Variants in IQCM observed in about 807,000 individuals in gnomAD.
IQCM encodes the protein IQ motif containing M, also known as IQ domain-containing protein M.
A neutral mutation model predicts 57.6 loss-of-function variants in IQCM; 45 were observed. That is an observed-to-expected ratio of 0.78 (90% CI 0.62 to 1.00). IQCM has a LOEUF of 1.00. Among genes scored for constraint, IQCM ranks in the 50% least tolerant of loss-of-function variants. IQCM has a pLI of 0.00. For synonymous variants in IQCM, 148 were observed against 158.9 expected (o/e 0.93, Z 0.51); for missense variants, 468 against 511.6 (o/e 0.91, Z 0.82).
At chr4:149,433,035 A>T (rs1735015447) in intron 13 of IQCM, among the ~76,000 whole-genome samples, 2 of 151,996 alleles carry the variant, frequency 1.3e-5, no homozygotes, top group African/African-American at 4.8e-5. Context: ...TGGTAATATG[A>T]AATGTTATAA....
At chr4:149,614,338 A>G (rs1333487409) in intron 8 of IQCM, among the ~76,000 whole-genome samples, 2 of 152,176 alleles carry the variant, frequency 1.3e-5, no homozygotes, top group Admixed American at 6.5e-5. Context: ...ATTCTAGGGC[A>G]TAAGCTCATT....
At chr4:149,718,957 T>C (rs1453591361) in intron 5 of IQCM, among the ~76,000 whole-genome samples, 1 of 152,154 alleles carries the variant, frequency 6.6e-6, no homozygotes, top group Non-Finnish European at 1.5e-5. Flanking sequence ...CATTTACAGG[T>C]TCTAGGAATT....
Position 149,461,206 on chromosome 4 carries a change from C to T in IQCM, c.1229-27649G>A, listed in dbSNP as rs564033633. Reference sequence around the variant, plus strand: ...CAAGATCGTGCCATTGCACTCCAGCCCGGGCAACAAGAGCAAAACTCCATC... The same window carrying T: ...CAAGATCGTGCCATTGCACTCCAGCTCGGGCAACAAGAGCAAAACTCCATC... On this transcript the variant is annotated intron_variant, in intron 12 of 13. Coordinates refer to ENST00000636793, the MANE Select transcript of IQCM (RefSeq NM_001363507.2). Among the ~76,000 whole-genome samples, 3 of 148,468 alleles carry T rather than the reference C, an allele frequency of 2.0e-5. No homozygotes were observed. The South Asian group carries it at 6.4e-4, about 32-fold the overall frequency.
At chr4:149,461,698 G>C (rs1271497638) in intron 12 of IQCM, among the ~76,000 whole-genome samples, 1 of 149,448 alleles carries the variant, frequency 6.7e-6, no homozygotes, top group Non-Finnish European at 1.5e-5. Flanking sequence ...AAAAGAACAT[G>C]AAAAAAAATC....
intron 8 of IQCM, among the ~76,000 whole-genome samples, chr4:149,604,945 C>G (rs1754644840): frequency 6.6e-6 from 1 of 152,206 alleles, no homozygotes; most frequent in Admixed American, 6.6e-5. Flanking sequence ...CTCAAATGCT[C>G]TCTATATTCA....
intron 12 of IQCM, among the ~76,000 whole-genome samples, chr4:149,454,559 C>T (rs1233927350): frequency 6.6e-6 from 1 of 151,714 alleles, no homozygotes; most frequent in Non-Finnish European, 1.5e-5. Context: ...GCATCAAGCC[C>T]CAGTGACAGC....
At chr4:149,442,479 T>C (rs1736042529) in intron 12 of IQCM, among the ~76,000 whole-genome samples, 1 of 152,072 alleles carries the variant, frequency 6.6e-6, no homozygotes, top group Non-Finnish European at 1.5e-5. Flanking sequence ...AAAACTGTGC[T>C]TAACTGAATG....
At chr4:149,806,089 TTTGA>T (rs1045959939) in intron 2 of IQCM, among the ~76,000 whole-genome samples, 41 of 151,732 alleles carry the variant, frequency 2.7e-4, no homozygotes, top group African/African-American at 8.7e-4. Flanking sequence ...AAATAGAAAC[TTTGA>T]TTGTCAAAAT....
At chr4:149,708,823 T>A (rs1198944685) in intron 5 of IQCM, among the ~76,000 whole-genome samples, 1 of 152,090 alleles carries the variant, frequency 6.6e-6, no homozygotes, top group African/African-American at 2.4e-5. Flanking sequence ...AACTATAATA[T>A]GTTGTTTGTC....
chr4:149,481,706 T>TTTTTTTTG (rs1380124637), intron 12 of IQCM, among the ~76,000 whole-genome samples: 6 of 133,396 alleles, frequency 4.5e-5, no homozygotes, highest in African/African-American at 1.7e-4. Context: ...GTTTTGTTTT[T>TTTTTTTTG]TTTTTTTTTT....
intron 9 of IQCM, among the ~76,000 whole-genome samples, chr4:149,568,697 C>A (rs1750869631): frequency 6.6e-6 from 1 of 152,040 alleles, no homozygotes; most frequent in South Asian, 2.1e-4. Flanking sequence ...GAGGATTGCC[C>A]AAACCCAGGA....
intron 12 of IQCM, among the ~76,000 whole-genome samples, chr4:149,543,313 A>C (rs1262654259): frequency 6.6e-6 from 1 of 152,104 alleles, no homozygotes; most frequent in Non-Finnish European, 1.5e-5. Context: ...ATATATTCAA[A>C]CTATATGTGG....
intron 13 of IQCM, among the ~76,000 whole-genome samples, chr4:149,433,074 A>G (rs1195277691): frequency 2.0e-5 from 3 of 151,994 alleles, no homozygotes; most frequent in Middle Eastern, 3.2e-3. Context: ...GCCAACAGAA[A>G]TGCAAACACA....
chr4:149,662,650 A>T (rs572769058), intron 7 of IQCM, among the ~76,000 whole-genome samples: 3 of 152,100 alleles, frequency 2.0e-5, no homozygotes, highest in Admixed American at 6.5e-5. Flanking sequence ...TCCCTTTATC[A>T]TTATATAACC....
intron 13 of IQCM, among the ~76,000 whole-genome samples, chr4:149,396,302 A>G (rs1219366782): frequency 1.3e-5 from 2 of 151,766 alleles, no homozygotes; most frequent in African/African-American, 4.8e-5. Context: ...TTGTTTTGAA[A>G]AATAAGTACA....
intron 13 of IQCM, among the ~76,000 whole-genome samples, chr4:149,422,338 C>T (rs981502047): frequency 6.6e-6 from 1 of 151,954 alleles, no homozygotes; most frequent in Non-Finnish European, 1.5e-5. Flanking sequence ...AACATGTCCA[C>T]AGGCAACAAG....
chr4:149,526,357 A>G (rs1405623024), intron 12 of IQCM, among the ~76,000 whole-genome samples: 1 of 152,006 alleles, frequency 6.6e-6, no homozygotes, highest in Non-Finnish European at 1.5e-5. Flanking sequence ...GCGATTCCAG[A>G]CAGTGTAATA....
chr4:149,614,382 T>C lies in IQCM; in HGVS notation c.681+6747A>G, dbSNP rs372379374. Among the ~76,000 whole-genome samples, 7 of 152,078 alleles carry C rather than the reference T, an allele frequency of 4.6e-5. No individual in the cohort carries two copies. The East Asian group carries it at 9.7e-4, about 21-fold the overall frequency. On this transcript the variant is annotated intron_variant, in intron 8 of 13. Coordinates refer to ENST00000636793, the MANE Select transcript of IQCM (RefSeq NM_001363507.2). ...CTACATGGCACTTGATGATTATAGG[T>C]CCTTGCTTATCTCTTCAGCTTCATT...
At position 149,795,309 on chromosome 4, in the gene IQCM, G is replaced by A. The variant is rs1223456778; in HGVS notation, c.-49+20002C>T. On this transcript the variant is annotated intron_variant, in intron 2 of 13. Transcript: ENST00000636793. ...GGGAAGGAGAGGACTGCAATTGTGA[G>A]GCATTTAACTCAGTGCTGTGCAGTC... 2.0e-5 allele frequency among the ~76,000 whole-genome samples: 3 copies of A among 152,102 alleles called. No individual in the cohort carries two copies. The East Asian group carries it at 5.8e-4, about 29-fold the overall frequency.
Sources: gnomAD v4.1 joint callset for allele counts (sites outside exome capture counted in the v4.1 genomes callset) on GRCh38, gnomAD v4.1.1 for gene constraint, MANE v1.5 for transcripts, NCBI Gene and HGNC (gene_info 2026-07-23, HGNC 2026-07-21) for gene names.